Variants in MAP4K5 observed in about 807,000 individuals in gnomAD.
MAP4K5 encodes mitogen-activated protein kinase kinase kinase kinase 5, also known as MAPK/ERK kinase kinase kinase 5.
MAP4K5 carries 82 observed loss-of-function variants against 135.6 expected under a neutral mutation model. The ratio of observed to expected loss-of-function variants is 0.60; its 90% CI spans 0.51 to 0.73. The LOEUF (loss-of-function observed/expected upper bound fraction) is 0.73, where lower values mean the gene tolerates loss of function less well. Among genes scored for constraint, MAP4K5 ranks in the 30% least tolerant of loss-of-function variants. The probability of loss-of-function intolerance (pLI) is 0.00; values close to 1 mark genes in which losing one functional copy is unlikely to be tolerated. For synonymous variants in MAP4K5, 347 were observed against 335.0 expected, an observed-to-expected ratio of 1.04 and a Z score of -0.39; for missense variants, 907 against 1,010.9, an observed-to-expected ratio of 0.90 and a Z score of 1.39.
chr14:50,446,492 C>T (rs1008381265), intron 16 of MAP4K5, among the ~76,000 whole-genome samples: 8 of 152,128 alleles, frequency 5.3e-5, no homozygotes, highest in Non-Finnish European at 1.0e-4. Context: ...AAAGTAGATC[C>T]TCAAACCAGC....
At chr14:50,425,393 T>C (rs1365096728) in intron 31 of MAP4K5, among the ~76,000 whole-genome samples, 1 of 152,174 alleles carries the variant, frequency 6.6e-6, no homozygotes, top group East Asian at 1.9e-4. Context: ...GAGCCTGAAA[T>C]AAGCAAATAT....
intron 1 of MAP4K5, among the ~76,000 whole-genome samples, chr14:50,545,008 G>A (rs546137160): frequency 3.3e-5 from 5 of 151,662 alleles, no homozygotes; most frequent in Non-Finnish European, 7.4e-5. Flanking sequence ...TTACTGAAGG[G>A]TGTGTGTCCA....
Position 50,434,528 on chromosome 14 carries a change from A to G in MAP4K5, c.2030T>C (p.Met677Thr). 1 of 1,603,428 alleles carries G rather than the reference A, an allele frequency of 6.2e-7. No individual in the cohort carries two copies. The highest frequency in any genetic ancestry group is 8.5e-7 in the Non-Finnish European group (1 of 1,174,646). The change falls in exon 28 of 33, where the codon ATG becomes ACG. Residue 677 changes from methionine to threonine, a missense_variant. Physicochemically the swap from Met to Thr is moderately conservative, Grantham distance 81 (BLOSUM62 -1). Transcript: ENST00000682126. ...GTATTCCTGTTCAGGTATCACCAGC[A>G]TTTCAAAAACATTCAAAGGACTTGG... Reference protein sequence around the residue: ...PLPSPLNVFEMLVIPEQEYPM... With the variant: ...PLPSPLNVFETLVIPEQEYPM...
intron 1 of MAP4K5, among the ~76,000 whole-genome samples, chr14:50,553,603 G>A (rs2038729825): frequency 6.6e-6 from 1 of 152,132 alleles, no homozygotes; most frequent in South Asian, 2.1e-4. Context: ...ACTACTGGGT[G>A]TTTACCCAAA....
intron 3 of MAP4K5, among the ~76,000 whole-genome samples, chr14:50,501,181 C>G (rs2037698798): frequency 6.6e-6 from 1 of 152,028 alleles, no homozygotes; most frequent in South Asian, 2.1e-4. Flanking sequence ...CCAAATAAAC[C>G]AATGAACAGT....
In MAP4K5 at chr14:50,428,705, T is replaced by G; in HGVS notation, c.2283A>C (p.Lys761Asn). Residue 761 changes from lysine to asparagine, a missense_variant, in exon 30 of 33, where the codon AAA becomes AAC. Lys to Asn is a moderately conservative substitution (Grantham distance 94, BLOSUM62 0). This residue lies in a region of MAP4K5 where 690 missense variants were observed against 777.4 expected (regional missense o/e 0.89). Coordinates refer to ENST00000682126, the MANE Select transcript of MAP4K5 (RefSeq NM_006575.6). ...NLQGKLKSSK[K>N]LASELSFDFR... is the part of the protein sequence containing the mutation. ...AATCAAAACTTAACTCAGAGGCCAG[T>G]TTCTTACTTGATTTTAATTTTCCTT... 6.6e-7 allele frequency: 1 copy of G among 1,524,160 alleles called. No individual in the cohort carries two copies. Among genetic ancestry groups the G allele is most frequent in the Non-Finnish European group, 8.8e-7 (1 of 1,139,936 alleles). The allele number at this position is 1,524,160 out of a possible 1,614,324, so 94.4% of individuals were successfully genotyped here.
At chr14:50,446,594 A>G (rs981913655) in intron 16 of MAP4K5, among the ~76,000 whole-genome samples, 2 of 152,190 alleles carry the variant, frequency 1.3e-5, no homozygotes, top group South Asian at 2.1e-4. Context: ...GCACTTATCT[A>G]GTCCACTGGT....
chr14:50,499,285 T>G (rs1360279561), intron 3 of MAP4K5, among the ~76,000 whole-genome samples: 2 of 151,998 alleles, frequency 1.3e-5, no homozygotes, highest in Admixed American at 1.3e-4. Context: ...AGAATGCTGG[T>G]AGAGTTAAGG....
chr14:50,468,793 T>G lies in MAP4K5; in HGVS notation c.543-11A>C. On this transcript the variant is annotated splice_polypyrimidine_tract_variant and intron_variant, in intron 9 of 32. Transcript: ENST00000682126. The stretch of plus-strand genomic sequence containing the variant: ...ACTTCTGGGGCCATCCTAGAAGGAA[T>G]CAATGAATACAACATTTTTGTTGTT... The G allele has an allele frequency of 6.2e-7, 1 of 1,600,426 alleles. No homozygotes were observed. The highest frequency in any genetic ancestry group is 8.5e-7 in the Non-Finnish European group (1 of 1,172,436).
At chr14:50,431,349 C>T (rs2035964676) in intron 28 of MAP4K5, among the ~76,000 whole-genome samples, 1 of 152,032 alleles carries the variant, frequency 6.6e-6, no homozygotes, top group African/African-American at 2.4e-5. Context: ...TGCGCTGCAC[C>T]CACTAACTCG....
intron 13 of MAP4K5, 77 bp from the exon 14 acceptor site, chr14:50,456,671 T>A: frequency 2.7e-5 from 22 of 817,852 alleles, no homozygotes; most frequent in Non-Finnish European, 4.2e-5. Flanking sequence ...TCTTATCATT[T>A]ATTGATAAAT....
At chr14:50,440,633 T>C (rs1230712471) in intron 21 of MAP4K5, among the ~76,000 whole-genome samples, 192 bp from the exon 22 acceptor site, 1 of 152,156 alleles carries the variant, frequency 6.6e-6, no homozygotes, top group Non-Finnish European at 1.5e-5. Context: ...AAAGCAGATA[T>C]ATTCTATGTT....
chr14:50,498,446 G>A lies in MAP4K5; in HGVS notation c.166+6354C>T, dbSNP rs187960799. ...AGAGCAACAAGAACATACAAACATA[G>A]GAAGGAATGCTGACTTCATTTTCTT... On this transcript the variant is annotated intron_variant, in intron 3 of 32. Coordinates refer to ENST00000682126, the MANE Select transcript of MAP4K5 (RefSeq NM_006575.6). 2.3e-4 allele frequency among the ~76,000 whole-genome samples: 35 copies of A among 152,220 alleles called. No individual in the cohort carries two copies. In the East Asian group the frequency reaches 6.4e-3, roughly 28 times the overall value.
In MAP4K5 at chr14:50,433,107, G is replaced by T. The variant is rs991003457; in HGVS notation, c.2164+1287C>A. ...CCACTTTGGCCTCCCAAAGTGCTGG[G>T]ATTATAGGTGTGAGCCACTGTGCCC... On this transcript the variant is annotated intron_variant, in intron 28 of 32. Coordinates refer to ENST00000682126, the MANE Select transcript of MAP4K5 (RefSeq NM_006575.6). Among the ~76,000 whole-genome samples the T allele has an allele frequency of 4.6e-5, 7 of 152,330 alleles. No individual in the cohort carries two copies. In the East Asian group the frequency reaches 1.3e-3, roughly 29 times the overall value.
chr14:50,476,341 AGC>A, intron 6 of MAP4K5, 35 bp from the exon 7 acceptor site: 1 of 1,090,748 alleles, frequency 9.2e-7, no homozygotes, highest in Non-Finnish European at 1.3e-6. Context: ...AGAATGTATC[AGC>A]AAAACTGTAA....
rs183281489 is a variant in MAP4K5 at position 50,454,933 on chromosome 14, T to G, written c.1015+1583A>C. Among the ~76,000 whole-genome samples the G allele has an allele frequency of 1.3e-3, 191 of 151,880 alleles. 1 individual carries two copies. Among genetic ancestry groups the G allele is most frequent in the African/African-American group, 4.4e-3 (181 of 41,472 alleles). ...TGTGGGGAGGGGCAGAGAGTAGGAGTAGGATTAGTTCTAACAGATATTATC... is the reference window on the plus strand; with the variant it reads ...TGTGGGGAGGGGCAGAGAGTAGGAGGAGGATTAGTTCTAACAGATATTATC... On this transcript the variant is annotated intron_variant, in intron 14 of 32. Coordinates refer to ENST00000682126, the MANE Select transcript of MAP4K5 (RefSeq NM_006575.6).
chr14:50,453,323 C>T (rs2036532838), intron 14 of MAP4K5, among the ~76,000 whole-genome samples: 2 of 151,256 alleles, frequency 1.3e-5, no homozygotes, highest in African/African-American at 4.9e-5. Flanking sequence ...ACAGTCATAT[C>T]TGAATCAGAC....
intron 9 of MAP4K5, among the ~76,000 whole-genome samples, chr14:50,474,004 G>C (rs1286885980): frequency 2.6e-5 from 4 of 152,136 alleles, no homozygotes; most frequent in Admixed American, 2.6e-4. Flanking sequence ...GATTACAGGT[G>C]TGAACTTGAC....
At chr14:50,539,734 G>A (rs180848800) in intron 2 of MAP4K5, among the ~76,000 whole-genome samples, 1 of 152,364 alleles carries the variant, frequency 6.6e-6, no homozygotes, top group East Asian at 1.9e-4. Flanking sequence ...TGAAGAAGTT[G>A]TAGGATCTTG....
Sources: gnomAD v4.1 joint callset for allele counts (sites outside exome capture counted in the v4.1 genomes callset) on GRCh38, gnomAD v4.1.1 for gene constraint, gnomAD v4.1.1 regional missense constraint, MANE v1.5 for transcripts, NCBI Gene and HGNC (gene_info 2026-07-23, HGNC 2026-07-21) for gene names.